The following DOCK1 variants were observed in gnomAD, a reference collection of about 807,000 sequenced individuals.
DOCK1 encodes the protein dedicator of cytokinesis 1, also known as dedicator of cytokinesis protein 1.
Under a neutral mutation model 262.7 loss-of-function variants are expected in DOCK1, and 138 were observed. That is an observed-to-expected ratio of 0.53 (90% CI 0.46 to 0.61). The LOEUF is 0.61. Among genes scored for constraint, DOCK1 ranks in the 20% least tolerant of loss-of-function variants. The probability of loss-of-function intolerance (pLI) is 0.00; values close to 1 mark genes in which losing one functional copy is unlikely to be tolerated. For synonymous variants in DOCK1, 866 were observed against 867.4 expected, an observed-to-expected ratio of 1.00 and a Z score of 0.03; for missense variants, 1,908 against 2,370.7, an observed-to-expected ratio of 0.80 and a Z score of 4.05.
chr10:127,122,227 C>T (rs535998764), intron 25 of DOCK1, among the ~76,000 whole-genome samples: 5 of 152,112 alleles, frequency 3.3e-5, no homozygotes, highest in Non-Finnish European at 7.4e-5. Flanking sequence ...CTTTGGGGGC[C>T]TGGGATGGGT....
chr10:127,099,656 C>T (rs780742047), intron 23 of DOCK1, among the ~76,000 whole-genome samples: 11 of 152,058 alleles, frequency 7.2e-5, no homozygotes, highest in South Asian at 4.2e-4. Flanking sequence ...ACTAATAGAG[C>T]GGGAACTCAC....
chr10:127,204,922 T>A (rs1165383542), intron 27 of DOCK1, among the ~76,000 whole-genome samples: 1 of 152,122 alleles, frequency 6.6e-6, no homozygotes, highest in South Asian at 2.1e-4. Flanking sequence ...CCCTCCCCAT[T>A]TGACTGTGGG....
At chr10:127,297,219 G>C (rs775587538) in intron 29 of DOCK1, among the ~76,000 whole-genome samples, 6 of 152,166 alleles carry the variant, frequency 3.9e-5, no homozygotes, top group Non-Finnish European at 7.3e-5. Context: ...GGAGGAACAC[G>C]GTCATTGACT....
At chr10:127,314,387 G>A (rs2062183677) in intron 29 of DOCK1, among the ~76,000 whole-genome samples, 1 of 152,200 alleles carries the variant, frequency 6.6e-6, no homozygotes, top group Non-Finnish European at 1.5e-5. Context: ...TGGGTTCTGG[G>A]CAAGCTGTGG....
chr10:127,229,821 T>C (rs1364403589), intron 27 of DOCK1, among the ~76,000 whole-genome samples: 3 of 152,210 alleles, frequency 2.0e-5, no homozygotes, highest in African/African-American at 7.2e-5. Flanking sequence ...CTTTCCGTAA[T>C]GGCTGTTTAC....
rs1424282599 is a variant in DOCK1 at position 127,212,030 on chromosome 10, A to C, written c.2848-35978A>C. ...TACAATGTGTTTTCCTTCTTGAAGG[A>C]CTTGATGCTTTGGTGAATAAGCATA... On this transcript the variant is annotated intron_variant, in intron 27 of 51. Transcript: ENST00000623213. 5.9e-5 allele frequency among the ~76,000 whole-genome samples: 9 copies of C among 152,346 alleles called. 2 individuals carry two copies. The East Asian group carries it at 9.6e-4, about 16-fold the overall frequency.
chr10:127,136,751 T>TA (rs1487676208), intron 27 of DOCK1: 7 of 152,664 alleles, frequency 4.6e-5, no homozygotes, highest in African/African-American at 1.7e-4. Context: ...TACAACTTAC[T>TA]AATAGGTTAA....
At chr10:127,198,142 G>A (rs1486958737) in intron 27 of DOCK1, among the ~76,000 whole-genome samples, 2 of 152,194 alleles carry the variant, frequency 1.3e-5, no homozygotes, top group African/African-American at 4.8e-5. Flanking sequence ...TGTGTGAGCA[G>A]TATGGAAACT....
chr10:127,019,040 G>A (rs2042216152), intron 13 of DOCK1: 4 of 718,228 alleles, frequency 5.6e-6, no homozygotes, highest in Admixed American at 3.1e-5. Context: ...CTGTACCCCT[G>A]GATGGATCAG....
chr10:127,359,215 C>T (rs969187304), intron 32 of DOCK1, among the ~76,000 whole-genome samples: 5 of 152,076 alleles, frequency 3.3e-5, no homozygotes, highest in South Asian at 2.1e-4. Flanking sequence ...CACTGGTTTA[C>T]GAAGAGTCAG....
chr10:127,253,887 A>AG (rs1365336215), intron 28 of DOCK1, among the ~76,000 whole-genome samples: 3 of 150,994 alleles, frequency 2.0e-5, no homozygotes, highest in East Asian at 2.0e-4. Flanking sequence ...AAAAAAAAAA[A>AG]AAAAAAGGAA....
chr10:127,053,029 G>A (rs544226531), intron 22 of DOCK1, among the ~76,000 whole-genome samples: 1 of 152,314 alleles, frequency 6.6e-6, no homozygotes, highest in East Asian at 1.9e-4. Flanking sequence ...TGAGGCGGGA[G>A]CCCTGTTCCT....
intron 29 of DOCK1, among the ~76,000 whole-genome samples, chr10:127,282,475 A>G (rs11017083): frequency 0.071 from 10,746 of 152,308 alleles, 425 homozygotes; most frequent in East Asian, 0.11. Context: ...TTAGAAATTG[A>G]GCAGCCTGCT....
chr10:126,970,548 A>C (rs535080903), intron 1 of DOCK1, among the ~76,000 whole-genome samples, 154 bp from the exon 2 acceptor site: 1 of 152,266 alleles, frequency 6.6e-6, no homozygotes, highest in African/African-American at 2.4e-5. Context: ...CTGAAAGAAA[A>C]GGTCACTTCT....
intron 28 of DOCK1, among the ~76,000 whole-genome samples, chr10:127,253,002 A>G (rs1394520619): frequency 2.6e-5 from 4 of 152,178 alleles, no homozygotes; most frequent in African/African-American, 4.8e-5. Context: ...CACCAGTGAC[A>G]GTGAGCATAT....
chr10:127,405,600 T>C (rs181392279), intron 40 of DOCK1, among the ~76,000 whole-genome samples: 1 of 152,286 alleles, frequency 6.6e-6, no homozygotes, highest in African/African-American at 2.4e-5. Context: ...CGTTGTTCAT[T>C]TGGGGTCCTG....
chr10:127,133,886 G>A (rs1426233657), intron 27 of DOCK1, among the ~76,000 whole-genome samples: 3 of 152,210 alleles, frequency 2.0e-5, no homozygotes, highest in Non-Finnish European at 4.4e-5. Flanking sequence ...GGCTGCACAT[G>A]CAGTGCCTGC....
intron 1 of DOCK1, among the ~76,000 whole-genome samples, chr10:126,955,730 C>T (rs1349989581): frequency 2.0e-5 from 3 of 152,126 alleles, no homozygotes; most frequent in African/African-American, 7.2e-5. Flanking sequence ...TACCTAGAAT[C>T]TGTATTCCTG....
intron 27 of DOCK1, among the ~76,000 whole-genome samples, chr10:127,204,881 G>A (rs1246201328): frequency 6.6e-6 from 1 of 152,078 alleles, no homozygotes; most frequent in Non-Finnish European, 1.5e-5. Flanking sequence ...CACATGACTT[G>A]CTATCCTATG....
Sources: allele counts gnomAD v4.1 joint callset (sites outside exome capture counted in the v4.1 genomes callset), GRCh38; gene constraint gnomAD v4.1.1; transcripts MANE v1.5; gene names NCBI Gene and HGNC (gene_info 2026-07-23, HGNC 2026-07-21).